The following TMC1 variants were observed in gnomAD, a reference collection of about 807,000 sequenced individuals.
The protein encoded by TMC1 is transmembrane channel like 1.
Under a neutral mutation model 105.8 loss-of-function variants are expected in TMC1, and 84 were observed. The observed-to-expected ratio is 0.79, with a 90% confidence interval of 0.67 to 0.95. The LOEUF (loss-of-function observed/expected upper bound fraction) is 0.95, where lower values mean the gene tolerates loss of function less well. Ranked by LOEUF, TMC1 falls within the 40% of genes least tolerant of loss-of-function variation. TMC1 has a pLI of 0.00. For synonymous variants in TMC1, 315 were observed against 311.5 expected, an observed-to-expected ratio of 1.01 and a Z score of -0.12; for missense variants, 817 against 914.1, an observed-to-expected ratio of 0.89 and a Z score of 1.37.
chr9:72,596,127 A>G (rs1824715839), intron 2 of TMC1, among the ~76,000 whole-genome samples: 1 of 152,124 alleles, frequency 6.6e-6, no homozygotes, highest in Non-Finnish European at 1.5e-5. Context: ...TGCCCGCCTC[A>G]GCCTCCCAAA....
intron 11 of TMC1, among the ~76,000 whole-genome samples, chr9:72,752,875 T>C (rs1827603163): frequency 2.0e-5 from 3 of 152,172 alleles, no homozygotes; most frequent in Admixed American, 2.0e-4. Flanking sequence ...ATGCTTTACA[T>C]TCATAAAGAG....
At chr9:72,754,752 A>G (rs781393164) in intron 11 of TMC1, 34 bp from the exon 12 acceptor site, 2 of 1,523,988 alleles carry the variant, frequency 1.3e-6, no homozygotes, top group Non-Finnish European at 1.8e-6. Flanking sequence ...CTTTGTTTCT[A>G]ATTGTTCACT....
chr9:72,628,779 CTTTA>C (rs1825397859), intron 4 of TMC1, among the ~76,000 whole-genome samples: 1 of 152,080 alleles, frequency 6.6e-6, no homozygotes, highest in African/African-American at 2.4e-5. Context: ...TTATAGAGAG[CTTTA>C]TTTATCTTGC....
At chr9:72,792,458 G>A in intron 17 of TMC1, 106 bp downstream of exon 17, 1 of 1,343,744 alleles carries the variant, frequency 7.4e-7, no homozygotes. Flanking sequence ...AGTAAAAATA[G>A]CTAAGATTTG....
rs532213580 is a variant in TMC1, at chr9:72,549,996, C to A, written c.-427-27906C>A. ...CTCCGGACCTCAGGCCATCCACCTA[C>A]CTCGGCTTCCCAAAGTGCTAGGATT... On this transcript the variant is annotated intron_variant, in intron 1 of 23. Coordinates refer to ENST00000297784, the MANE Select transcript of TMC1 (RefSeq NM_138691.3). Among the ~76,000 whole-genome samples, 37 of 151,918 alleles carry A rather than the reference C, an allele frequency of 2.4e-4. No individual in the cohort carries two copies. In the South Asian group the frequency reaches 5.9e-3, roughly 24 times the overall value.
At chr9:72,799,597 T>A (rs1828435778) in intron 17 of TMC1, among the ~76,000 whole-genome samples, 1 of 152,122 alleles carries the variant, frequency 6.6e-6, no homozygotes, top group Admixed American at 6.6e-5. Flanking sequence ...ATCCCCCCTT[T>A]GATGATATAT....
chr9:72,581,777 CTATT>C (rs1297956560), intron 2 of TMC1, among the ~76,000 whole-genome samples: 1 of 152,154 alleles, frequency 6.6e-6, no homozygotes, highest in East Asian at 1.9e-4. Flanking sequence ...TATTAGTAAA[CTATT>C]TTAGGGGTGA....
chr9:72,740,469 C>G (rs1298263177), intron 9 of TMC1, among the ~76,000 whole-genome samples: 1 of 152,072 alleles, frequency 6.6e-6, no homozygotes, highest in Non-Finnish European at 1.5e-5. Flanking sequence ...TTAGCACTTC[C>G]AAATATAAAA....
At chr9:72,524,899 C>T (rs929602294) in intron 1 of TMC1, among the ~76,000 whole-genome samples, 2 of 152,050 alleles carry the variant, frequency 1.3e-5, no homozygotes, top group East Asian at 1.9e-4. Context: ...GTGGTGGACA[C>T]GAGGATATAC....
chr9:72,571,730 A>G (rs1824289719), intron 1 of TMC1, among the ~76,000 whole-genome samples: 1 of 152,100 alleles, frequency 6.6e-6, no homozygotes, highest in African/African-American at 2.4e-5. Flanking sequence ...TATTATTTCT[A>G]TTGAATGTTT....
At chr9:72,820,690 G>T in intron 19 of TMC1, 152 bp from the exon 20 acceptor site, 2 of 881,522 alleles carry the variant, frequency 2.3e-6, no homozygotes, top group Admixed American at 2.2e-5. Context: ...ATAGATAAGT[G>T]CAGTTTCTTT....
At position 72,556,584 on chromosome 9, in the gene TMC1, C is replaced by T. The variant is rs563319109; in HGVS notation, c.-427-21318C>T. On this transcript the variant is annotated intron_variant, in intron 1 of 23. Transcript: ENST00000297784. ...CTGTAATCCCAGCACTTTGGGAGGCCGAGACGGGTGGATCACTTGAGATCA... is the reference window on the plus strand; with the variant it reads ...CTGTAATCCCAGCACTTTGGGAGGCTGAGACGGGTGGATCACTTGAGATCA... Among the ~76,000 whole-genome samples the T allele has an allele frequency of 1.0e-3, 158 of 150,484 alleles. 1 individual carries two copies. The highest frequency in any genetic ancestry group is 3.7e-3 in the African/African-American group (151 of 41,106).
chr9:72,714,919 T>C (rs1826893858), intron 8 of TMC1, among the ~76,000 whole-genome samples: 1 of 152,196 alleles, frequency 6.6e-6, no homozygotes, highest in South Asian at 2.1e-4. Flanking sequence ...TTCCTTTCCA[T>C]GTTTAGTGCT....
intron 5 of TMC1, chr9:72,651,607 A>G (rs1004375591): frequency 6.6e-5 from 10 of 152,202 alleles, no homozygotes; most frequent in Non-Finnish European, 1.5e-4. Context: ...CTGATACAAA[A>G]AGAAAAAAAA....
intron 3 of TMC1, among the ~76,000 whole-genome samples, chr9:72,624,198 A>G (rs1564452103): frequency 6.6e-6 from 1 of 152,128 alleles, no homozygotes; most frequent in Non-Finnish European, 1.5e-5. Flanking sequence ...AAATATGACC[A>G]TGCATAGCAC....
At chr9:72,665,999 A>C (rs1826036700) in intron 5 of TMC1, among the ~76,000 whole-genome samples, 1 of 152,206 alleles carries the variant, frequency 6.6e-6, no homozygotes, top group Admixed American at 6.5e-5. Flanking sequence ...ATCTTCTCTG[A>C]ATGGAGGAGC....
intron 12 of TMC1, among the ~76,000 whole-genome samples, chr9:72,771,378 G>T (rs914944702): frequency 6.6e-6 from 1 of 152,164 alleles, no homozygotes; most frequent in African/African-American, 2.4e-5. Flanking sequence ...CTTCCTCTAG[G>T]AATTAGCATC....
intron 1 of TMC1, among the ~76,000 whole-genome samples, chr9:72,548,290 G>A (rs971910094): frequency 3.3e-5 from 5 of 152,106 alleles, no homozygotes; most frequent in Admixed American, 2.6e-4. Context: ...AAGTCTATAG[G>A]GCTGGGCACA....
chr9:72,676,078 C>T (rs192495732), intron 5 of TMC1, among the ~76,000 whole-genome samples: 1 of 152,286 alleles, frequency 6.6e-6, no homozygotes, highest in East Asian at 1.9e-4. Context: ...GGGAAGCATA[C>T]CATTGGCTAA....
Sources: allele counts gnomAD v4.1 joint callset (sites outside exome capture counted in the v4.1 genomes callset), GRCh38; gene constraint gnomAD v4.1.1; transcripts MANE v1.5; gene names NCBI Gene and HGNC (gene_info 2026-07-23, HGNC 2026-07-21).